The following PHKB variants were observed in gnomAD, a reference collection of about 807,000 sequenced individuals.
The protein encoded by PHKB is phosphorylase kinase regulatory subunit beta.
A neutral mutation model predicts 152.1 loss-of-function variants in PHKB; 122 were observed. That is an observed-to-expected ratio of 0.80 (90% CI 0.69 to 0.93). The LOEUF (loss-of-function observed/expected upper bound fraction) is 0.93. Among genes scored for constraint, PHKB ranks in the 40% least tolerant of loss-of-function variants. The pLI is 0.00. For missense variants in PHKB, 1,304 were observed against 1,328.4 expected, an observed-to-expected ratio of 0.98 and a Z score of 0.29; for synonymous variants, 436 against 464.9, an observed-to-expected ratio of 0.94 and a Z score of 0.80.
chr16:47,584,328 C>T (rs937587014), intron 8 of PHKB, among the ~76,000 whole-genome samples: 1 of 151,932 alleles, frequency 6.6e-6, no homozygotes, highest in African/African-American at 2.4e-5. Flanking sequence ...AATATTTAAA[C>T]AGTAATATTT....
intron 26 of PHKB, among the ~76,000 whole-genome samples, chr16:47,672,877 TTA>T (rs1973660909): frequency 6.6e-6 from 1 of 152,154 alleles, no homozygotes; most frequent in South Asian, 2.1e-4. Context: ...TTATACTGTG[TTA>T]CCCAAAGTAA....
chr16:47,590,047 C>T (rs746254803), intron 10 of PHKB, among the ~76,000 whole-genome samples: 1 of 152,116 alleles, frequency 6.6e-6, no homozygotes, highest in African/African-American at 2.4e-5. Flanking sequence ...TCCTAGGCCT[C>T]CTAAAGTGCT....
chr16:47,649,295 G>T, intron 18 of PHKB, 91 bp downstream of exon 18: 1 of 787,342 alleles, frequency 1.3e-6, no homozygotes. Flanking sequence ...CCAGGTATCT[G>T]TGACACTGGG....
chr16:47,680,495 G>A (rs1973829391), intron 26 of PHKB, among the ~76,000 whole-genome samples: 1 of 152,276 alleles, frequency 6.6e-6, no homozygotes, highest in African/African-American at 2.4e-5. Flanking sequence ...GTTTAGTCTT[G>A]GGAGGGTGTA....
intron 7 of PHKB, among the ~76,000 whole-genome samples, chr16:47,554,993 T>G (rs1971344040): frequency 6.6e-6 from 1 of 152,200 alleles, no homozygotes; most frequent in East Asian, 1.9e-4. Flanking sequence ...ACTTTTAGCT[T>G]TTTAAAGTGG....
chr16:47,641,956 AT>A lies in PHKB; in HGVS notation c.1608+266del, dbSNP rs563591013. Among the ~76,000 whole-genome samples the A allele has an allele frequency of 4.2e-3, 644 of 152,202 alleles. 6 individuals are homozygous for A. The highest frequency in any genetic ancestry group is 0.015 in the African/African-American group (609 of 41,534). Reference sequence around the variant, plus strand: ...TGATTCCTACTTCTTTCTAAACTCTATTACTAACCTAGGCTGAGCAGTTAAA... The same window carrying A: ...TGATTCCTACTTCTTTCTAAACTCTATACTAACCTAGGCTGAGCAGTTAAA... On this transcript the variant is annotated intron_variant, in intron 16 of 30. Coordinates refer to ENST00000323584, the MANE Select transcript of PHKB (RefSeq NM_000293.3).
intron 29 of PHKB, among the ~76,000 whole-genome samples, chr16:47,697,673 A>C (rs1974172184): frequency 6.6e-6 from 1 of 152,196 alleles, no homozygotes; most frequent in Non-Finnish European, 1.5e-5. Context: ...CAAAATTGGG[A>C]ACTATGAGGC....
intron 10 of PHKB, chr16:47,590,214 A>G (rs955960903): frequency 2.6e-5 from 4 of 152,108 alleles, no homozygotes; most frequent in South Asian, 2.1e-4. Flanking sequence ...GGCAATTAAC[A>G]TACTATTTTA....
At chr16:47,654,903 G>A (rs1597154146) in intron 20 of PHKB, among the ~76,000 whole-genome samples, 1 of 151,480 alleles carries the variant, frequency 6.6e-6, no homozygotes, top group East Asian at 1.9e-4. Flanking sequence ...GTATACATAT[G>A]TAACAAACCT....
intron 6 of PHKB, among the ~76,000 whole-genome samples, chr16:47,520,423 C>G (rs1970666275): frequency 6.6e-6 from 1 of 152,304 alleles, no homozygotes; most frequent in South Asian, 2.1e-4. Flanking sequence ...ATGCAGAGAG[C>G]CACTAAGTGG....
intron 14 of PHKB, among the ~76,000 whole-genome samples, chr16:47,615,675 G>T (rs991854783): frequency 6.6e-6 from 1 of 152,216 alleles, no homozygotes; most frequent in African/African-American, 2.4e-5. Context: ...GAGGCCTCTG[G>T]CCAGTCCAGT....
chr16:47,471,046 T>C (rs1313650456), intron 1 of PHKB, among the ~76,000 whole-genome samples: 1 of 152,208 alleles, frequency 6.6e-6, no homozygotes, highest in Non-Finnish European at 1.5e-5. Context: ...GTGATTTTTC[T>C]AAAATGAACT....
intron 7 of PHKB, among the ~76,000 whole-genome samples, chr16:47,576,875 A>G (rs971712739): frequency 3.9e-5 from 6 of 152,142 alleles, no homozygotes; most frequent in South Asian, 4.1e-4. Context: ...TAGACAATAC[A>G]TAGGTGAGCC....
chr16:47,550,665 C>A (rs1021721859), intron 7 of PHKB, among the ~76,000 whole-genome samples: 1 of 152,150 alleles, frequency 6.6e-6, no homozygotes, highest in Non-Finnish European at 1.5e-5. Context: ...CCATTTTGTC[C>A]TGGGCTTTTG....
intron 26 of PHKB, among the ~76,000 whole-genome samples, chr16:47,673,995 G>A (rs770058513): frequency 1.5e-4 from 23 of 152,076 alleles, no homozygotes; most frequent in Non-Finnish European, 2.6e-4. Flanking sequence ...CTTTCTGCAT[G>A]TTTTTGCTTC....
intron 14 of PHKB, among the ~76,000 whole-genome samples, chr16:47,628,510 C>T (rs564493803): frequency 7.9e-5 from 12 of 151,988 alleles, no homozygotes; most frequent in East Asian, 1.9e-4. Flanking sequence ...CCAGCCTGGG[C>T]GACAGGGCAA....
chr16:47,506,976 G>A (rs1000170855), intron 4 of PHKB, among the ~76,000 whole-genome samples: 2 of 151,982 alleles, frequency 1.3e-5, no homozygotes, highest in East Asian at 1.9e-4. Flanking sequence ...TTTTATTGTT[G>A]TTTGGCTGGT....
Position 47,699,270 on chromosome 16 carries a change from AAG to A in PHKB, c.3189_3190del (p.Gly1064AsnfsTer23). 1 of 1,614,048 alleles carries A rather than the reference AAG, an allele frequency of 6.2e-7. No homozygotes were observed. The highest frequency in any genetic ancestry group is 8.5e-7 in the Non-Finnish European group (1 of 1,179,936). On this transcript the variant is annotated frameshift_variant, in exon 31 of 31. Coordinates refer to ENST00000323584, the MANE Select transcript of PHKB (RefSeq NM_000293.3). LOFTEE classifies it high-confidence loss of function. The stretch of plus-strand genomic sequence containing the variant: ...TTTACAACACTCCTCCCCTGGGAAA[AAG>A]AGGAACATGCAGCTATTTGACAAAG... Reference protein sequence around the residue: ...SFYNTPPLGKRGTCSYLTKAV... With the variant: ...SFYNTPPLGKXGTCSYLTKAV...
At chr16:47,546,215 G>A (rs370669913) in intron 6 of PHKB, among the ~76,000 whole-genome samples, 11 of 152,240 alleles carry the variant, frequency 7.2e-5, no homozygotes, top group South Asian at 2.1e-4. Context: ...GTTTCTCCCC[G>A]TCTTTGTGGC....
Sources: allele counts gnomAD v4.1 joint callset (sites outside exome capture counted in the v4.1 genomes callset), GRCh38; gene constraint gnomAD v4.1.1; transcripts MANE v1.5; gene names NCBI Gene and HGNC (gene_info 2026-07-23, HGNC 2026-07-21).